The following NSRP1 variants were observed in gnomAD, a reference collection of about 807,000 sequenced individuals.
The protein encoded by NSRP1 is coiled-coil domain containing 55.
Under a neutral mutation model 54.7 loss-of-function variants are expected in NSRP1, and 24 were observed. That is an observed-to-expected ratio of 0.44 (90% CI 0.32 to 0.62). The LOEUF is 0.62. Ranked by LOEUF, NSRP1 falls within the 20% of genes least tolerant of loss-of-function variation. The pLI is 0.06. For missense variants in NSRP1, 596 were observed against 651.2 expected (o/e 0.92, Z 0.92); for synonymous variants, 210 against 213.8 (o/e 0.98, Z 0.15).
intron 2 of NSRP1, among the ~76,000 whole-genome samples, chr17:30,164,873 A>G (rs868397160): frequency 6.6e-6 from 1 of 152,190 alleles, no homozygotes; most frequent in Admixed American, 6.5e-5. Flanking sequence ...TCAGGCATAG[A>G]ATTAAAATAA....
chr17:30,159,358 T>TGTGTG (rs1567800555), intron 2 of NSRP1, among the ~76,000 whole-genome samples: 2 of 151,794 alleles, frequency 1.3e-5, no homozygotes, highest in African/African-American at 4.8e-5. Context: ...GAGGTTTTTT[T>TGTGTG]TGTGTGTGTG....
At position 30,185,431 on chromosome 17, in the gene NSRP1, G is replaced by C. The variant is rs1597625772; in HGVS notation, c.1434G>C (p.Met478Ile). Residue 478 changes from methionine (M) to isoleucine (I), a missense_variant, in exon 7 of 7, where the codon ATG (methionine) becomes ATC (isoleucine). Met to Ile is a conservative substitution (Grantham distance 10). Coordinates refer to ENST00000247026, the MANE Select transcript of NSRP1 (RefSeq NM_032141.4). The stretch of plus-strand genomic sequence containing the variant: ...AAAGATCCAACAAAATGAGAAACAT[G>C]GCAAAGGACAAAGAAAGAAACCAAG... ...DQERSNKMRN[M>I]AKDKERNQEK... The C allele has an allele frequency of 6.2e-7, 1 of 1,608,458 alleles. No homozygotes were observed. The highest frequency in any genetic ancestry group is 1.3e-5 in the African/African-American group (1 of 74,422).
intron 1 of NSRP1, chr17:30,117,129 A>G (rs765495897): frequency 9.4e-6 from 7 of 742,218 alleles, no homozygotes; most frequent in Non-Finnish European, 1.5e-5. Context: ...CTATTTTCCA[A>G]AAGCTCGGTC....
At chr17:30,176,296 T>A (rs1380059216) in intron 3 of NSRP1, among the ~76,000 whole-genome samples, 1 of 152,084 alleles carries the variant, frequency 6.6e-6, no homozygotes, top group African/African-American at 2.4e-5. Flanking sequence ...TCCCAACATA[T>A]ACAAAGGCAT....
chr17:30,171,963 CACACACA>C (rs1567804325), intron 2 of NSRP1, among the ~76,000 whole-genome samples: 6 of 137,012 alleles, frequency 4.4e-5, no homozygotes, highest in East Asian at 2.3e-4. Context: ...CACACACACA[CACACACA>C]CACTCCCTCT....
chr17:30,133,936 T>A (rs181384668), intron 2 of NSRP1, among the ~76,000 whole-genome samples: 1 of 152,128 alleles, frequency 6.6e-6, no homozygotes, highest in Non-Finnish European at 1.5e-5. Context: ...CTTGACTGTT[T>A]GACTGCAAGA....
Position 30,175,347 on chromosome 17 carries a change from AC to A in NSRP1, c.172-2722del, listed in dbSNP as rs574675624. On this transcript the variant is annotated intron_variant, in intron 3 of 6. Coordinates refer to ENST00000247026, the MANE Select transcript of NSRP1 (RefSeq NM_032141.4). ...CTGAACATAACGGAGGTTTTTGATTACCTTTTTGTTATTCATTCCTAATGTG... is the reference window on the plus strand; with the variant it reads ...CTGAACATAACGGAGGTTTTTGATTACTTTTTGTTATTCATTCCTAATGTG... Among the ~76,000 whole-genome samples the A allele has an allele frequency of 8.8e-4, 133 of 151,568 alleles. No homozygotes were observed. In the Middle Eastern group the frequency reaches 0.014, roughly 16 times the overall value.
intron 2 of NSRP1, among the ~76,000 whole-genome samples, chr17:30,155,714 C>CT (rs1411405830): frequency 1.3e-5 from 2 of 151,944 alleles, no homozygotes; most frequent in Non-Finnish European, 2.9e-5. Context: ...TGGCTTTTTT[C>CT]TTTTTTTAAG....
rs117171982 is a variant in NSRP1, at chr17:30,185,021, G to A, written c.1024G>A (p.Asp342Asn). The A allele has an allele frequency of 9.5e-4, 1,533 of 1,614,136 alleles. 4 individuals carry two copies. The highest frequency in any genetic ancestry group is 6.4e-3 in the African/African-American group (477 of 75,044). Residue 342 changes from aspartate (D) to asparagine (N), a missense_variant, in exon 7 of 7, where the codon GAT becomes AAT. Transcript: ENST00000247026. ...TGACCGTGATTACCGGAAAGAAAGG[G>A]ATTCTCATAGGCACAGAGAGGCCAG... ...YTDRDYRKER[D>N]SHRHREASHR... is the part of the protein sequence containing the mutation.
intron 2 of NSRP1, among the ~76,000 whole-genome samples, chr17:30,163,661 G>A (rs1348972920): frequency 6.9e-6 from 1 of 145,720 alleles, no homozygotes; most frequent in African/African-American, 2.6e-5. Flanking sequence ...GCAGTTTATG[G>A]TGCCTATACT....
intron 2 of NSRP1, among the ~76,000 whole-genome samples, chr17:30,143,232 T>G (rs2143002091): frequency 6.6e-6 from 1 of 152,310 alleles, no homozygotes. Context: ...CTCCTGAATT[T>G]ATCAAAAGCT....
intron 6 of NSRP1, among the ~76,000 whole-genome samples, chr17:30,183,356 G>T (rs60263672): frequency 0.016 from 2,410 of 152,216 alleles, 68 homozygotes; most frequent in African/African-American, 0.054. Flanking sequence ...ACGCTGCTAG[G>T]CTTTGATTAT....
intron 1 of NSRP1, chr17:30,117,621 C>A (rs949872452): frequency 1.2e-5 from 4 of 343,820 alleles, no homozygotes; most frequent in African/African-American, 2.1e-5. Context: ...GTTACACTAT[C>A]CAGTCAGTTC....
At chr17:30,158,502 T>C (rs1200841531) in intron 2 of NSRP1, among the ~76,000 whole-genome samples, 2 of 152,160 alleles carry the variant, frequency 1.3e-5, no homozygotes, top group African/African-American at 4.8e-5. Flanking sequence ...TTTTGTTTCC[T>C]GTGCTTTTGG....
intron 2 of NSRP1, among the ~76,000 whole-genome samples, chr17:30,142,540 C>CA (rs370898242): frequency 6.6e-4 from 101 of 151,984 alleles, no homozygotes; most frequent in African/African-American, 2.3e-3. Context: ...CTATGTTGCC[C>CA]AGGCTGGTTT....
At chr17:30,123,200 A>T (rs1597592479) in intron 2 of NSRP1, among the ~76,000 whole-genome samples, 1 of 152,190 alleles carries the variant, frequency 6.6e-6, no homozygotes, top group South Asian at 2.1e-4. Flanking sequence ...CCTGGGTTCA[A>T]CCAGTTTCCC....
intron 2 of NSRP1, among the ~76,000 whole-genome samples, chr17:30,122,166 G>A (rs777781198): frequency 2.0e-5 from 3 of 150,946 alleles, no homozygotes; most frequent in Middle Eastern, 3.2e-3. Flanking sequence ...ATATTCCATT[G>A]TATGAATGTA....
chr17:30,185,548 T>C lies in NSRP1; in HGVS notation c.1551T>C (p.Pro517=). 1 of 1,614,074 alleles carries C rather than the reference T, an allele frequency of 6.2e-7. No homozygotes were observed. Among genetic ancestry groups the C allele is most frequent in the Admixed American group, 1.7e-5 (1 of 60,000 alleles). ...AGGGTAAAGAACAAGAGAGACCACC[T>C]GAGGCAGTGAGCAAGTTTGCAAAGC... The part of the protein sequence containing the change: ...QEKGKEQERP[P]EAVSKFAKRN... The change falls in exon 7 of 7, where the codon CCT becomes CCC. Residue 517 remains proline, a synonymous_variant. Coordinates refer to ENST00000247026, the MANE Select transcript of NSRP1 (RefSeq NM_032141.4).
chr17:30,120,304 TA>T (rs2071585422), intron 2 of NSRP1, among the ~76,000 whole-genome samples: 1 of 152,232 alleles, frequency 6.6e-6, no homozygotes, highest in Admixed American at 6.5e-5. Context: ...CATAAAATAT[TA>T]GAATAATTGA....
Sources: allele counts gnomAD v4.1 joint callset (sites outside exome capture counted in the v4.1 genomes callset), GRCh38; gene constraint gnomAD v4.1.1; transcripts MANE v1.5; gene names NCBI Gene and HGNC (gene_info 2026-07-23, HGNC 2026-07-21).